Variants in MPHOSPH6 observed in about 807,000 individuals in gnomAD.
MPHOSPH6 encodes the protein M-phase phosphoprotein 6.
MPHOSPH6 carries 25 observed loss-of-function variants against 21.8 expected under a neutral mutation model. The ratio of observed to expected loss-of-function variants is 1.15; its 90% confidence interval spans 0.83 to 1.60. MPHOSPH6 has a LOEUF of 1.60. Among genes scored for constraint, MPHOSPH6 ranks in the 40% most tolerant of loss-of-function variants. The probability of loss-of-function intolerance (pLI) is 0.00; values close to 1 mark genes in which losing one functional copy is unlikely to be tolerated. For missense variants in MPHOSPH6, 269 were observed against 181.8 expected (o/e 1.48, Z -2.76); for synonymous variants, 84 against 56.5 (o/e 1.49, Z -2.18).
chr16:82,149,185 C>G (rs1026281021), intron 4 of MPHOSPH6, 124 bp downstream of exon 4: 4 of 1,040,520 alleles, frequency 3.8e-6, no homozygotes, highest in Non-Finnish European at 2.9e-6. Flanking sequence ...AGGCCGATCA[C>G]AGTCATCGTC....
At chr16:82,165,415 C>T (rs953428610) in intron 1 of MPHOSPH6, among the ~76,000 whole-genome samples, 23 of 151,988 alleles carry the variant, frequency 1.5e-4, no homozygotes, top group Non-Finnish European at 3.4e-4. Context: ...TGAGCCGCTG[C>T]GCCCGGCCCA....
chr16:82,155,348 A>G (rs189127517), intron 2 of MPHOSPH6, among the ~76,000 whole-genome samples: 36 of 152,336 alleles, frequency 2.4e-4, no homozygotes, highest in Middle Eastern at 3.4e-3. Flanking sequence ...AATCAACAAG[A>G]GGAGATAAAA....
chr16:82,156,938 A>T (rs1410458249), intron 2 of MPHOSPH6, among the ~76,000 whole-genome samples: 2 of 152,202 alleles, frequency 1.3e-5, no homozygotes, highest in Non-Finnish European at 2.9e-5. Flanking sequence ...CTGTAATCCC[A>T]GCTACTCCGG....
At chr16:82,159,638 C>T (rs1364025880) in intron 2 of MPHOSPH6, among the ~76,000 whole-genome samples, 1 of 152,128 alleles carries the variant, frequency 6.6e-6, no homozygotes, top group Non-Finnish European at 1.5e-5. Context: ...GATCTCCTGA[C>T]GTCGTGATCC....
chr16:82,153,577 G>A (rs1279293359), intron 2 of MPHOSPH6, among the ~76,000 whole-genome samples: 2 of 152,194 alleles, frequency 1.3e-5, no homozygotes, highest in South Asian at 2.1e-4. Flanking sequence ...GGGTTATGGT[G>A]GTGGCTGGAA....
chr16:82,149,008 T>G (rs1906177602), intron 4 of MPHOSPH6, 145 bp from the exon 5 acceptor site: 2 of 1,111,754 alleles, frequency 1.8e-6, no homozygotes, highest in African/African-American at 3.2e-5. Flanking sequence ...ATTTAACAAT[T>G]TATGAACTTC....
intron 2 of MPHOSPH6, among the ~76,000 whole-genome samples, chr16:82,159,408 T>C (rs1197375172): frequency 6.6e-6 from 1 of 152,154 alleles, no homozygotes; most frequent in Non-Finnish European, 1.5e-5. Flanking sequence ...GTGTTCTAAA[T>C]AAATTTTTTT....
chr16:82,165,532 T>C (rs1343794324), intron 1 of MPHOSPH6, among the ~76,000 whole-genome samples: 1 of 152,184 alleles, frequency 6.6e-6, no homozygotes, highest in African/African-American at 2.4e-5. Context: ...ACCTTAACGT[T>C]CACGAATAAA....
intron 1 of MPHOSPH6, chr16:82,167,398 C>T (rs1271184768): frequency 6.6e-6 from 1 of 152,394 alleles, no homozygotes; most frequent in Non-Finnish European, 1.5e-5. Flanking sequence ...CAGGGATGGG[C>T]TTCCTGGAAG....
At chr16:82,163,047 G>A (rs576732938) in intron 2 of MPHOSPH6, among the ~76,000 whole-genome samples, 5 of 152,266 alleles carry the variant, frequency 3.3e-5, no homozygotes, top group African/African-American at 1.2e-4. Context: ...CTTCCTCTGA[G>A]AAGCAGAGAA....
In MPHOSPH6 at chr16:82,148,518, G is replaced by T; in HGVS notation, c.*213C>A. The T allele has an allele frequency of 2.0e-6, 1 of 510,812 alleles. No homozygotes were observed. Among genetic ancestry groups the T allele is most frequent in the Non-Finnish European group, 3.2e-6 (1 of 313,626 alleles). The allele number at this position is 510,812 out of a possible 1,614,324, so 31.6% of individuals were successfully genotyped here. On this transcript the variant is annotated 3_prime_UTR_variant, in exon 5 of 5. Transcript: ENST00000258169. The stretch of plus-strand genomic sequence containing the variant: ...TAACAATGTACATTTGTAGATCAGG[G>T]GCTAAAAATCCACTCTGAATGAATA...
chr16:82,163,733 C>T (rs8050693), intron 2 of MPHOSPH6: 116 of 172,754 alleles, frequency 6.7e-4, no homozygotes, highest in African/African-American at 2.2e-3. Flanking sequence ...GTAACCGAAA[C>T]AAAACTGGAG....
At chr16:82,156,556 A>T (rs1204343743) in intron 2 of MPHOSPH6, among the ~76,000 whole-genome samples, 3 of 152,256 alleles carry the variant, frequency 2.0e-5, no homozygotes, top group African/African-American at 7.2e-5. Flanking sequence ...GAAAATGCAA[A>T]TTAAAAACCA....
At chr16:82,156,451 T>C (rs970156908) in intron 2 of MPHOSPH6, among the ~76,000 whole-genome samples, 1 of 152,212 alleles carries the variant, frequency 6.6e-6, no homozygotes, top group Non-Finnish European at 1.5e-5. Context: ...ACTTTCTCAA[T>C]TTTTAAAATG....
intron 2 of MPHOSPH6, among the ~76,000 whole-genome samples, chr16:82,159,013 T>C (rs1906522997): frequency 6.6e-6 from 1 of 152,238 alleles, no homozygotes; most frequent in Non-Finnish European, 1.5e-5. Flanking sequence ...AGATTCCACG[T>C]TGCAATTTAC....
chr16:82,150,602 C>T (rs1249848277), intron 3 of MPHOSPH6, among the ~76,000 whole-genome samples: 3 of 152,172 alleles, frequency 2.0e-5, no homozygotes, highest in Non-Finnish European at 2.9e-5. Flanking sequence ...GTGAAAATGT[C>T]TGGAAACATT....
Position 82,166,857 on chromosome 16 carries a change from G to A in MPHOSPH6, c.52-2663C>T, listed in dbSNP as rs762003379. On this transcript the variant is annotated intron_variant, in intron 1 of 4. Transcript: ENST00000258169. ...TGGTATACAACAGCCATATACATAT[G>A]TTCTGTACACATAGAAAGGACAGAA... Among the ~76,000 whole-genome samples the A allele has an allele frequency of 2.6e-5, 4 of 152,156 alleles. No homozygotes were observed. In the South Asian group the frequency reaches 8.3e-4, roughly 32 times the overall value.
intron 4 of MPHOSPH6, 53 bp downstream of exon 4, chr16:82,149,256 A>T: frequency 6.5e-7 from 1 of 1,542,980 alleles, no homozygotes. Context: ...CATTCCTGGG[A>T]GAGCCAATGA....
At chr16:82,159,556 C>T (rs1446465489) in intron 2 of MPHOSPH6, among the ~76,000 whole-genome samples, 1 of 152,082 alleles carries the variant, frequency 6.6e-6, no homozygotes, top group African/African-American at 2.4e-5. Flanking sequence ...AGGCACACGC[C>T]ATCATGCCTG....
Sources: allele counts gnomAD v4.1 joint callset (sites outside exome capture counted in the v4.1 genomes callset), GRCh38; gene constraint gnomAD v4.1.1; transcripts MANE v1.5; gene names NCBI Gene and HGNC (gene_info 2026-07-23, HGNC 2026-07-21).